Variants in PROSER2 observed in about 807,000 individuals in gnomAD.
PROSER2 encodes proline and serine rich 2.
A neutral mutation model predicts 14.6 loss-of-function variants in PROSER2; 18 were observed. The observed-to-expected ratio is 1.23, with a 90% CI of 0.85 to 1.83. The LOEUF is 1.83. PROSER2 is among the 40% of genes most tolerant of loss of function. PROSER2 has a pLI of 0.00. For synonymous variants in PROSER2, 367 were observed against 286.4 expected (o/e 1.28, Z -2.84); for missense variants, 823 against 629.8 (o/e 1.31, Z -3.28).
intron 2 of PROSER2, among the ~76,000 whole-genome samples, chr10:11,861,195 G>A (rs1026011200): frequency 6.6e-6 from 1 of 152,172 alleles, no homozygotes; most frequent in Non-Finnish European, 1.5e-5. Context: ...ACTGTGCCTT[G>A]TTCCTTGTTG....
intron 1 of PROSER2, among the ~76,000 whole-genome samples, chr10:11,832,692 A>G (rs1833703722): frequency 1.3e-5 from 2 of 152,188 alleles, no homozygotes; most frequent in South Asian, 4.1e-4. Context: ...CCTAAATTGG[A>G]AGGACTTGAT....
rs1441102677 is a variant in PROSER2, at chr10:11,838,870, T to C, written c.-81-13127T>C. ...TATTAGTTTAGAAGGTTTTCTTATATTCTAGCTATCAATTCCTTATACGTA... is the reference window on the plus strand; with the variant it reads ...TATTAGTTTAGAAGGTTTTCTTATACTCTAGCTATCAATTCCTTATACGTA... On this transcript the variant is annotated intron_variant, in intron 1 of 3. Transcript: ENST00000277570. This position sits in a 1 kb window ranked among gnomAD's most constrained non-coding sequence, Gnocchi z 4.4. 6.6e-6 allele frequency among the ~76,000 whole-genome samples: 1 copy of C among 152,238 alleles called. No individual in the cohort carries two copies. Among genetic ancestry groups the C allele is most frequent in the East Asian group, 1.9e-4 (1 of 5,206 alleles).
At chr10:11,855,428 C>A in intron 2 of PROSER2, among the ~76,000 whole-genome samples, 1 of 146,612 alleles carries the variant, frequency 6.8e-6, no homozygotes. Context: ...GAGCCGAGAT[C>A]GCGCCACTGC....
intron 1 of PROSER2, among the ~76,000 whole-genome samples, chr10:11,825,476 G>A (rs902878772): frequency 7.2e-5 from 11 of 152,308 alleles, no homozygotes; most frequent in Admixed American, 7.2e-4. Context: ...CTCCGCCCCT[G>A]ATTGACTGCA....
chr10:11,835,868 C>T (rs1340712575), intron 1 of PROSER2, among the ~76,000 whole-genome samples: 1 of 152,124 alleles, frequency 6.6e-6, no homozygotes, highest in African/African-American at 2.4e-5. Context: ...CCCACCGCTT[C>T]CCCATATGAA....
rs1029364560 is a variant in PROSER2 at position 11,856,772 on chromosome 10, C to T, written c.138+4557C>T. Among the ~76,000 whole-genome samples, 2 of 152,210 alleles carry T rather than the reference C, an allele frequency of 1.3e-5. No homozygotes were observed. Among genetic ancestry groups the T allele is most frequent in the African/African-American group, 4.8e-5 (2 of 41,444 alleles). On this transcript the variant is annotated intron_variant, in intron 2 of 3. Coordinates refer to ENST00000277570, the MANE Select transcript of PROSER2 (RefSeq NM_153256.4). This position sits in a 1 kb window ranked among gnomAD's most constrained non-coding sequence, Gnocchi z 5.3. ...GACACCTTTGGCCCCACACATGGCT[C>T]ATGGACTAAGAAGGCATGGCAAGCA...
intron 2 of PROSER2, among the ~76,000 whole-genome samples, chr10:11,857,914 G>T (rs1467391625): frequency 6.6e-6 from 1 of 152,074 alleles, no homozygotes; most frequent in Non-Finnish European, 1.5e-5. Context: ...AATTGTCTTA[G>T]TCTGCAGTTA....
rs1432494254 is a variant in PROSER2, at chr10:11,871,884, A to C, written c.*1478A>C. ...TTGCCTTGTAAGTTATATAAAGTGC[A>C]TGATTATAATTTTTTCCTTAGAAAT... On this transcript the variant is annotated 3_prime_UTR_variant, in exon 4 of 4. Coordinates refer to ENST00000277570, the MANE Select transcript of PROSER2 (RefSeq NM_153256.4). 6.6e-6 allele frequency: 1 copy of C among 152,230 alleles called. No homozygotes were observed. The highest frequency in any genetic ancestry group is 1.5e-5 in the Non-Finnish European group (1 of 68,042). The allele number at this position is 152,230 out of a possible 1,614,324, so 9.4% of individuals were successfully genotyped here.
chr10:11,863,032 A>C (rs1019459113), intron 2 of PROSER2: 1 of 152,180 alleles, frequency 6.6e-6, no homozygotes, highest in Non-Finnish European at 1.5e-5. Context: ...GCATAGGTTT[A>C]TATCCAACAG....
In PROSER2 at chr10:11,870,156, A is replaced by G. The variant is rs1834450338; in HGVS notation, c.1058A>G (p.Lys353Arg). 2 of 1,459,794 alleles carry G rather than the reference A, an allele frequency of 1.4e-6. No individual in the cohort carries two copies. The highest frequency in any genetic ancestry group is 1.3e-5 in the South Asian group (1 of 75,856). The allele number at this position is 1,459,794 out of a possible 1,614,324, so 90.4% of individuals were successfully genotyped here. The change falls in exon 4 of 4, where the codon AAG becomes AGG. Residue 353 changes from lysine (K) to arginine (R), a missense_variant. Transcript: ENST00000277570. ...TTCCCAAGTGCGCACGAGGCCCTGA[A>G]GAGCGCACCCAGCTCCTTCGCGCCC... ...NGFPSAHEAL[K>R]SAPSSFAPAG... is the part of the protein sequence containing the mutation.
intron 1 of PROSER2, among the ~76,000 whole-genome samples, chr10:11,833,984 C>CTTTTTTTTTTTT (rs35005102): frequency 4.1e-5 from 2 of 48,226 alleles, no homozygotes; most frequent in African/African-American, 1.9e-4. Flanking sequence ...GTAGCTCTTT[C>CTTTTTTTTTTTT]TTTTTTTTTT....
chr10:11,828,681 C>T (rs536733461), intron 1 of PROSER2, among the ~76,000 whole-genome samples: 8 of 152,152 alleles, frequency 5.3e-5, no homozygotes, highest in African/African-American at 9.6e-5. Context: ...CCAACCTGGA[C>T]GACAGAGCGA....
At chr10:11,828,355 T>A (rs1833643762) in intron 1 of PROSER2, among the ~76,000 whole-genome samples, 1 of 149,916 alleles carries the variant, frequency 6.7e-6, no homozygotes, top group Non-Finnish European at 1.5e-5. Flanking sequence ...AACAGGTGAG[T>A]TGGGTCCATT....
In PROSER2 at chr10:11,870,299, C is replaced by G; in HGVS notation, c.1201C>G (p.Leu401Val). 6.7e-7 allele frequency: 1 copy of G among 1,494,154 alleles called. No homozygotes were observed. Among genetic ancestry groups the G allele is most frequent in the Non-Finnish European group, 8.9e-7 (1 of 1,128,192 alleles). 92.6% of individuals were successfully genotyped at this position (1,494,154 alleles called of 1,614,324 possible). A position where few individuals can be genotyped will look rare whatever the true frequency, so the allele number is the denominator to read the frequency against. The change falls in exon 4 of 4, where the codon CTG becomes GTG. Residue 401 changes from leucine to valine, a missense_variant. Leu to Val is a conservative substitution (Grantham distance 32, BLOSUM62 1). Transcript: ENST00000277570. Reference protein sequence around the residue: ...GAQDWRRADSLPRPQGITVQF... With the variant: ...GAQDWRRADSVPRPQGITVQF... ...CCAGGACTGGCGCCGCGCAGACTCC[C>G]TGCCCCGGCCCCAGGGCATCACCGT...
chr10:11,849,384 T>C (rs905941280), intron 1 of PROSER2, among the ~76,000 whole-genome samples: 13 of 152,118 alleles, frequency 8.5e-5, no homozygotes, highest in African/African-American at 1.4e-4. Flanking sequence ...CCCCCATAAA[T>C]ATATTCTGTA....
intron 3 of PROSER2, among the ~76,000 whole-genome samples, chr10:11,867,407 T>C (rs1269873823): frequency 2.6e-5 from 4 of 151,978 alleles, no homozygotes; most frequent in Non-Finnish European, 5.9e-5. Flanking sequence ...CTGGGCGCCA[T>C]GGATCACTTG....
chr10:11,824,220 A>G (rs576155527), intron 1 of PROSER2, among the ~76,000 whole-genome samples: 2 of 152,334 alleles, frequency 1.3e-5, no homozygotes, highest in East Asian at 1.9e-4. Flanking sequence ...AGAAAAGTTA[A>G]AGTGAGTGAA....
In PROSER2 at chr10:11,838,878, A is replaced by G. The variant is rs757447701; in HGVS notation, c.-81-13119A>G. 2.6e-5 allele frequency among the ~76,000 whole-genome samples: 4 copies of G among 152,166 alleles called. No individual in the cohort carries two copies. The highest frequency in any genetic ancestry group is 4.4e-5 in the Non-Finnish European group (3 of 68,042). On this transcript the variant is annotated intron_variant, in intron 1 of 3. Coordinates refer to ENST00000277570, the MANE Select transcript of PROSER2 (RefSeq NM_153256.4). The surrounding 1 kb of genome is among the most constrained non-coding windows in gnomAD (Gnocchi z 4.4). The stretch of plus-strand genomic sequence containing the variant: ...TAGAAGGTTTTCTTATATTCTAGCT[A>G]TCAATTCCTTATACGTATTAGACAT...
At chr10:11,859,276 A>C (rs1834189253) in intron 2 of PROSER2, among the ~76,000 whole-genome samples, 1 of 152,104 alleles carries the variant, frequency 6.6e-6, no homozygotes, top group Non-Finnish European at 1.5e-5. Context: ...ACCAAAAAAC[A>C]AAAAAGGCCG....
Sources: allele counts gnomAD v4.1 joint callset (sites outside exome capture counted in the v4.1 genomes callset), GRCh38; gene constraint gnomAD v4.1.1; non-coding constraint Gnocchi (gnomAD v3.1); transcripts MANE v1.5; gene names NCBI Gene and HGNC (gene_info 2026-07-23, HGNC 2026-07-21).